TRIML1: variants seen among roughly 807,000 people sequenced by gnomAD.
TRIML1 encodes probable E3 ubiquitin-protein ligase TRIML1.
In TRIML1, 34 loss-of-function variants were observed where a neutral mutation model predicts 32.3. The ratio of observed to expected loss-of-function variants is 1.05; its 90% CI spans 0.80 to 1.40. The LOEUF is 1.40. Ranked by LOEUF, TRIML1 falls within the 40% of genes most tolerant of loss-of-function variation. TRIML1 has a pLI of 0.00. For missense variants in TRIML1, 595 were observed against 574.9 expected (o/e 1.03, Z -0.36); for synonymous variants, 244 against 226.6 (o/e 1.08, Z -0.69).
chr4:188,146,698 C>G (rs966373670), intron 5 of TRIML1, 124 bp from the exon 6 acceptor site: 1 of 766,176 alleles, frequency 1.3e-6, no homozygotes, highest in African/African-American at 1.8e-5. Flanking sequence ...CGAGCCATCA[C>G]GCCCGGCCCC....
At chr4:188,143,355 G>A (rs7377536) in intron 3 of TRIML1, 130,505 of 161,064 alleles carry the variant, frequency 0.81, 53,638 homozygotes, top group Non-Finnish European at 0.89. Flanking sequence ...GCACCCGGCC[G>A]TGGACTTTCT....
At chr4:188,145,491 G>C (rs540034666) in intron 5 of TRIML1, among the ~76,000 whole-genome samples, 1 of 132,236 alleles carries the variant, frequency 7.6e-6, no homozygotes, top group African/African-American at 2.8e-5. Context: ...GAAATGGAAT[G>C]ACTGGGGTAC....
intron 2 of TRIML1, among the ~76,000 whole-genome samples, chr4:188,141,651 A>AT (rs984575929): frequency 1.3e-5 from 2 of 151,962 alleles, no homozygotes; most frequent in African/African-American, 4.8e-5. Flanking sequence ...TTTCTTACTC[A>AT]TTTTTGGTTT....
At chr4:188,142,207 CGTGTGTGTGTGTGTGTGTGT>C (rs61461219) in intron 2 of TRIML1, 25 bp from the exon 3 acceptor site, 24 of 1,014,722 alleles carry the variant, frequency 2.4e-5, no homozygotes, top group Non-Finnish European at 3.6e-5. Context: ...AACTTTATCT[CGTGTGTGTGTGTGTGTGTGT>C]GTGTGTGTGT....
In TRIML1 at chr4:188,147,561, C is replaced by A; in HGVS notation, c.*189C>A. The A allele has an allele frequency of 2.4e-6, 1 of 422,306 alleles. No individual in the cohort carries two copies. The highest frequency in any genetic ancestry group is 4.1e-6 in the Non-Finnish European group (1 of 244,764). The allele number at this position is 422,306 out of a possible 1,614,324, so 26.2% of individuals were successfully genotyped here. ...GCCACATTACACAATCAACTTCAAC[C>A]CCAATAGAAGAGAGCTGATCATATT... On this transcript the variant is annotated 3_prime_UTR_variant, in exon 6 of 6. Coordinates refer to ENST00000332517, the MANE Select transcript of TRIML1 (RefSeq NM_178556.5).
At chr4:188,143,965 G>A in intron 4 of TRIML1, 71 bp from the exon 5 acceptor site, 3 of 1,604,590 alleles carry the variant, frequency 1.9e-6, no homozygotes, top group East Asian at 2.2e-5. Flanking sequence ...GGGGAGAAAT[G>A]AGGTGGACTC....
At chr4:188,146,777 T>A in intron 5 of TRIML1, 45 bp from the exon 6 acceptor site, 3 of 1,320,654 alleles carry the variant, frequency 2.3e-6, no homozygotes, top group Non-Finnish European at 2.9e-6. Flanking sequence ...CTAAGAGGTT[T>A]TTCAAGCATG....
intron 3 of TRIML1, 178 bp from the exon 4 acceptor site, chr4:188,143,660 C>A: frequency 1.4e-6 from 1 of 732,278 alleles, no homozygotes; most frequent in Non-Finnish European, 2.4e-6. Context: ...CTTGTGTTCA[C>A]CACAGCACAT....
At chr4:188,144,181 T>G (rs758175104) in intron 5 of TRIML1, 48 bp downstream of exon 5, 7 of 1,474,302 alleles carry the variant, frequency 4.7e-6, no homozygotes, top group Non-Finnish European at 6.6e-6. Flanking sequence ...AGAATTAACT[T>G]CAGCATACCT....
In TRIML1 at chr4:188,142,356, A is replaced by C. The variant is rs766177023; in HGVS notation, c.609A>C (p.Glu203Asp). 1 of 1,613,820 alleles carries C rather than the reference A, an allele frequency of 6.2e-7. No individual in the cohort carries two copies. The highest frequency in any genetic ancestry group is 8.5e-7 in the Non-Finnish European group (1 of 1,179,990). The change falls in exon 3 of 6, where the codon GAA becomes GAC. Residue 203 changes from glutamate (E) to aspartate (D), a missense_variant. Glu to Asp is a conservative substitution (Grantham distance 45, BLOSUM62 2). Transcript: ENST00000332517. Reference protein sequence around the residue: ...EQLQLQLLEQEEKENMRKLRN... With the variant: ...EQLQLQLLEQDEKENMRKLRN... ...TGCAACTCCAGCTACTAGAACAGGA[A>C]GAGAAAGAGAACATGAGGAAGCTGA...
chr4:188,141,817 A>T (rs1346337423), intron 2 of TRIML1, among the ~76,000 whole-genome samples: 1 of 152,102 alleles, frequency 6.6e-6, no homozygotes. Flanking sequence ...TGTTGCCATG[A>T]AACTCTAGGA....
chr4:188,150,704 G>A (rs1735231014), downstream of TRIML1, among the ~76,000 whole-genome samples: 1 of 151,668 alleles, frequency 6.6e-6, no homozygotes, highest in South Asian at 2.1e-4. Context: ...TTTTTCCTTT[G>A]GCAAAATCAT....
At chr4:188,148,901 CTTTTTTTTTTTTTTTTTT>C (rs34415263), downstream of TRIML1, among the ~76,000 whole-genome samples, 5 of 63,746 alleles carry the variant, frequency 7.8e-5, no homozygotes, top group Admixed American at 7.6e-4. Flanking sequence ...CGTGCCCAGG[CTTTTTTTTTTTTTTTTTT>C]TTTTTTTTTG....
At chr4:188,143,710 G>C in intron 3 of TRIML1, 128 bp from the exon 4 acceptor site, 3 of 1,104,698 alleles carry the variant, frequency 2.7e-6, no homozygotes, top group Admixed American at 1.8e-5. Context: ...TGCTCTCTGT[G>C]CTCCCACTCA....
At chr4:188,140,420 C>G in intron 1 of TRIML1, 108 bp from the exon 2 acceptor site, 1 of 859,816 alleles carries the variant, frequency 1.2e-6, no homozygotes, top group Middle Eastern at 2.6e-4. Context: ...CCGCACCCAG[C>G]CTGCCCTTTG....
In TRIML1 at chr4:188,139,964, A is replaced by T. The variant is rs772877453; in HGVS notation, c.406A>T (p.Arg136Ter). Residue 136 changes from arginine (R) to a stop codon, truncating the protein, a stop_gained and splice_region_variant, in exon 1 of 6, where the codon AGA (arginine) becomes TGA (stop). Coordinates refer to ENST00000332517, the MANE Select transcript of TRIML1 (RefSeq NM_178556.5). LOFTEE classifies it high-confidence loss of function. ...HLSSEAEEHH[R>*]EKLQEILNLL... ...CTCCAGCGAGGCTGAGGAGCATCAC[A>T]GAGTAAGACAGCTGCTCAGCATGAA... 2 of 1,598,246 alleles carry T rather than the reference A, an allele frequency of 1.3e-6. 1 individual carries two copies. The highest frequency in any genetic ancestry group is 2.2e-5 in the South Asian group (2 of 89,454).
rs1187816267 is a variant in TRIML1 at position 188,144,072 on chromosome 4, C to A, written c.795C>A (p.Thr265=). The change falls in exon 5 of 6, where the codon ACC becomes ACA. Residue 265 remains threonine, a synonymous_variant. Coordinates refer to ENST00000332517, the MANE Select transcript of TRIML1 (RefSeq NM_178556.5). ...EPLLLQCPEA[T]TTELSLCRIT... Reference sequence around the variant, plus strand: ...TCTTGCTTCAGTGTCCAGAGGCCACCACCACAGAGCTGAGTCTGTGCCGCA... The same window carrying A: ...TCTTGCTTCAGTGTCCAGAGGCCACAACCACAGAGCTGAGTCTGTGCCGCA... 2 of 1,614,072 alleles carry A rather than the reference C, an allele frequency of 1.2e-6. No homozygotes were observed. The highest frequency in any genetic ancestry group is 2.2e-5 in the South Asian group (2 of 91,076).
chr4:188,144,363 CT>C lies in TRIML1; in HGVS notation c.856+243del, dbSNP rs375672880. Among the ~76,000 whole-genome samples the C allele has an allele frequency of 3.6e-4, 50 of 139,448 alleles. 1 individual carries two copies. The highest frequency in any genetic ancestry group is 9.3e-4 in the African/African-American group (35 of 37,818). 91.5% of individuals were successfully genotyped at this position (139,448 alleles called of 152,430 possible). A position where few individuals can be genotyped will look rare whatever the true frequency, so the allele number is the denominator to read the frequency against. ...TGGCTTTGTTTTCTGTCTAAAGGGT[CT>C]TTTTTTTTTTTTCTTTGAGACGGAG... On this transcript the variant is annotated intron_variant, in intron 5 of 5. Transcript: ENST00000332517.
chr4:188,140,475 T>C lies in TRIML1; in HGVS notation c.409-53T>C, dbSNP rs986635826. The C allele has an allele frequency of 8.8e-6, 13 of 1,476,050 alleles. No homozygotes were observed. The African/African-American group carries it at 1.8e-4, about 20-fold the overall frequency. The allele number at this position is 1,476,050 out of a possible 1,614,324, so 91.4% of individuals were successfully genotyped here. ...CGCAGTTACTGGTCTTCAAAGCCCC[T>C]TCATGACCTGGGACTCTGCTCATTT... On this transcript the variant is annotated intron_variant, in intron 1 of 5. Transcript: ENST00000332517.
Sources: gnomAD v4.1 joint callset for allele counts (sites outside exome capture counted in the v4.1 genomes callset) on GRCh38, gnomAD v4.1.1 for gene constraint, MANE v1.5 for transcripts, NCBI Gene and HGNC (gene_info 2026-07-23, HGNC 2026-07-21) for gene names.